ARB2A: variants seen among roughly 807,000 people sequenced by gnomAD.
ARB2A encodes ARB2 cotranscriptional regulator A.
At chr5:93,784,845 G>A in the ARB2A span, among the ~76,000 whole-genome samples, 3 of 152,086 alleles carry the variant, frequency 2.0e-5, no homozygotes, top group Admixed American at 2.0e-4. Flanking sequence ...AGTGCTTCAG[G>A]GAAGTTAGTA....
chr5:93,761,836 C>A, the ARB2A span, among the ~76,000 whole-genome samples: 1 of 152,158 alleles, frequency 6.6e-6, no homozygotes, highest in South Asian at 2.1e-4. Flanking sequence ...CTCACACGGC[C>A]AGGTACTCCT....
At chr5:94,042,357 T>C in the ARB2A span, among the ~76,000 whole-genome samples, 2 of 148,100 alleles carry the variant, frequency 1.4e-5, no homozygotes, top group South Asian at 2.2e-4. Context: ...TCTCGCTCTG[T>C]AGCCCAGGCG....
chr5:93,808,061 C>T, the ARB2A span, among the ~76,000 whole-genome samples: 7 of 152,062 alleles, frequency 4.6e-5, no homozygotes, highest in Non-Finnish European at 8.8e-5. Context: ...AATAGAAGCA[C>T]GTCCTGCAAC....
At chr5:93,631,841 G>T in the ARB2A span, among the ~76,000 whole-genome samples, 1 of 152,086 alleles carries the variant, frequency 6.6e-6, no homozygotes. Flanking sequence ...AGCTAGCGCA[G>T]GGAAGAATGA....
At chr5:93,923,895 A>G in the ARB2A span, among the ~76,000 whole-genome samples, 1 of 152,232 alleles carries the variant, frequency 6.6e-6, no homozygotes. Context: ...AAGTTCATAT[A>G]TATAATATGT....
At chr5:93,771,358 G>A in the ARB2A span, among the ~76,000 whole-genome samples, 1 of 151,558 alleles carries the variant, frequency 6.6e-6, no homozygotes, top group African/African-American at 2.4e-5. Flanking sequence ...AACCCTAGAA[G>A]AAAACCTAGG....
At chr5:93,763,327 G>A in the ARB2A span, among the ~76,000 whole-genome samples, 2 of 151,978 alleles carry the variant, frequency 1.3e-5, no homozygotes, top group East Asian at 3.9e-4. Flanking sequence ...ACACACATAG[G>A]TTCAAAATAA....
the ARB2A span, among the ~76,000 whole-genome samples, chr5:94,028,558 T>G: frequency 1.3e-5 from 2 of 152,206 alleles, no homozygotes; most frequent in African/African-American, 4.8e-5. Context: ...GCCAGTAAAC[T>G]ATCCTCACTC....
chr5:94,106,005 T>G, the ARB2A span, among the ~76,000 whole-genome samples: 1 of 152,070 alleles, frequency 6.6e-6, no homozygotes, highest in Non-Finnish European at 1.5e-5. Context: ...AAGACTTACA[T>G]GTAAAGCCTT....
chr5:93,860,883 T>G, the ARB2A span: 1 of 152,156 alleles, frequency 6.6e-6, no homozygotes, highest in Non-Finnish European at 1.5e-5. Flanking sequence ...TCCGACCTCA[T>G]GATCCGCCTG....
the ARB2A span, among the ~76,000 whole-genome samples, chr5:93,742,330 C>T: frequency 6.6e-6 from 1 of 152,190 alleles, no homozygotes; most frequent in African/African-American, 2.4e-5. Flanking sequence ...CTTTCCCACT[C>T]TAGAGACAGG....
At chr5:93,925,943 T>C in the ARB2A span, among the ~76,000 whole-genome samples, 2 of 152,188 alleles carry the variant, frequency 1.3e-5, no homozygotes, top group African/African-American at 4.8e-5. Flanking sequence ...ACAATCAGTT[T>C]TGATCTGAGT....
chr5:93,683,954 A>G, the ARB2A span, among the ~76,000 whole-genome samples: 2 of 151,490 alleles, frequency 1.3e-5, no homozygotes, highest in African/African-American at 4.9e-5. Flanking sequence ...ATAGTTTAGT[A>G]ATTCTTGTCA....
chr5:93,655,893 G>A, the ARB2A span, among the ~76,000 whole-genome samples: 1 of 152,256 alleles, frequency 6.6e-6, no homozygotes, highest in Admixed American at 6.5e-5. Context: ...CCTGTTAAAT[G>A]TTTGTTGTAA....
the ARB2A span, among the ~76,000 whole-genome samples, chr5:94,083,312 T>C: frequency 6.6e-6 from 1 of 152,122 alleles, no homozygotes; most frequent in Non-Finnish European, 1.5e-5. Context: ...CTTCCAACAT[T>C]ACAGCCAAGT....
At chr5:93,822,292 C>T in the ARB2A span, among the ~76,000 whole-genome samples, 2 of 152,026 alleles carry the variant, frequency 1.3e-5, no homozygotes, top group Non-Finnish European at 2.9e-5. Flanking sequence ...TAAAGTGGAA[C>T]AAAAGTGGAG....
chr5:93,621,601 G>T, the ARB2A span, among the ~76,000 whole-genome samples: 11 of 152,240 alleles, frequency 7.2e-5, no homozygotes, highest in Non-Finnish European at 1.0e-4. Context: ...CGCGCGCGGG[G>T]ATTGGTTTCC....
At chr5:94,030,032 A>G in the ARB2A span, among the ~76,000 whole-genome samples, 1 of 152,172 alleles carries the variant, frequency 6.6e-6, no homozygotes, top group Non-Finnish European at 1.5e-5. Context: ...TTATAAAACC[A>G]TCAGATCCTC....
chr5:94,066,385 T>G, the ARB2A span, among the ~76,000 whole-genome samples: 1 of 150,202 alleles, frequency 6.7e-6, no homozygotes, highest in Admixed American at 6.7e-5. Context: ...GTAACTTTTT[T>G]GAAAAAGATA....
Sources: allele counts gnomAD v4.1 joint callset (sites outside exome capture counted in the v4.1 genomes callset), GRCh38; gene constraint gnomAD v4.1.1; transcripts MANE v1.5; gene names NCBI Gene and HGNC (gene_info 2026-07-23, HGNC 2026-07-21).